The following YLPM1 variants were observed in gnomAD, a reference collection of about 807,000 sequenced individuals.
YLPM1 encodes YLP motif-containing protein 1.
YLPM1 carries 99 observed loss-of-function variants against 230.0 expected under a neutral mutation model. That is an observed-to-expected ratio of 0.43 (90% CI 0.37 to 0.51). YLPM1 has a LOEUF of 0.51. Ranked by LOEUF, YLPM1 falls within the 20% of genes least tolerant of loss-of-function variation. YLPM1 has a pLI of 0.00. For missense variants in YLPM1, 2,592 were observed against 2,707.7 expected (o/e 0.96, Z 0.95); for synonymous variants, 984 against 942.5 (o/e 1.04, Z -0.81).
In YLPM1 at chr14:74,764,103, C is replaced by G. The variant is rs745781415; in HGVS notation, c.614C>G (p.Pro205Arg). The change falls in exon 1 of 21, where the codon CCT (proline) becomes CGT (arginine). Residue 205 changes from proline to arginine, a missense_variant. Physicochemically the swap from Pro to Arg is moderately radical, Grantham distance 103. This residue lies in a region of YLPM1 where 1,862 missense variants were observed against 1,819.8 expected (regional missense o/e 1.02). Coordinates refer to ENST00000325680, the MANE Select transcript of YLPM1 (RefSeq NM_019589.3). Reference sequence around the variant, plus strand: ...TCCCAATCCTACCTGGCGCCCACCCCTTCTTACTCATCCTCCTCCTCTTCC... The same window carrying G: ...TCCCAATCCTACCTGGCGCCCACCCGTTCTTACTCATCCTCCTCCTCTTCC... ...PPSQSYLAPT[P>R]SYSSSSSSSQ... 4.3e-6 allele frequency: 7 copies of G among 1,613,434 alleles called. No homozygotes were observed. Among genetic ancestry groups the G allele is most frequent in the South Asian group, 1.1e-5 (1 of 91,058 alleles).
Position 74,797,934 on chromosome 14 carries a change from G to A in YLPM1, c.2637G>A (p.Met879Ile), listed in dbSNP as rs1432263222. 1 of 1,613,616 alleles carries A rather than the reference G, an allele frequency of 6.2e-7. No homozygotes were observed. The highest frequency in any genetic ancestry group is 1.7e-5 in the Admixed American group (1 of 59,998). ...GTAACCAGCAGAAGAATTTTAAAATGCAATCAGCTGCATTTTCCATTGCTG... is the reference window on the plus strand; with the variant it reads ...GTAACCAGCAGAAGAATTTTAAAATACAATCAGCTGCATTTTCCATTGCTG... ...TSSNQQKNFK[M>I]QSAAFSIAAD... is the part of the protein sequence containing the mutation. The change falls in exon 5 of 21, where the codon ATG (methionine) becomes ATA (isoleucine). Residue 879 changes from methionine to isoleucine, a missense_variant. By Grantham distance (10) the Met-to-Ile change is conservative. Coordinates refer to ENST00000325680, the MANE Select transcript of YLPM1 (RefSeq NM_019589.3).
At chr14:74,815,596 C>T (rs958344867) in intron 11 of YLPM1, among the ~76,000 whole-genome samples, 2 of 151,858 alleles carry the variant, frequency 1.3e-5, no homozygotes, top group Admixed American at 1.3e-4. Context: ...TTTTAAAGAA[C>T]CACTGCCACC....
chr14:74,783,458 T>C (rs745331918), intron 4 of YLPM1, among the ~76,000 whole-genome samples: 1 of 152,140 alleles, frequency 6.6e-6, no homozygotes, highest in African/African-American at 2.4e-5. Context: ...TATACAAAAT[T>C]CAAACATTAC....
In YLPM1 at chr14:74,812,779, G is replaced by A; in HGVS notation, c.5499G>A (p.Glu1833=). The A allele has an allele frequency of 1.2e-6, 2 of 1,613,248 alleles. No homozygotes were observed. Among genetic ancestry groups the A allele is most frequent in the Non-Finnish European group, 1.7e-6 (2 of 1,179,550 alleles). ...LKPPGRESRP[E]RIVVIMRGLP... ...CACCGGGCCGGGAGAGCAGACCTGA[G>A]AGAGTGAGTCCTATGAAGTTGATTC... The change falls in exon 11 of 21, where the codon GAG becomes GAA. Residue 1833 remains glutamate, a synonymous_variant. Coordinates refer to ENST00000325680, the MANE Select transcript of YLPM1 (RefSeq NM_019589.3).
In YLPM1 at chr14:74,809,615, A is replaced by G. The variant is rs1315636581; in HGVS notation, c.4757A>G (p.Asn1586Ser). Reference sequence around the variant, plus strand: ...TCTTTCTATGGGCTCTGGGATACAAATGATGAACAAGGACTGAATTCAGAA... The same window carrying G: ...TCTTTCTATGGGCTCTGGGATACAAGTGATGAACAAGGACTGAATTCAGAA... The part of the protein sequence containing the change: ...EDSFYGLWDT[N>S]DEQGLNSEFK... Residue 1586 changes from asparagine (N) to serine (S), a missense_variant, in exon 7 of 21, where the codon AAT becomes AGT. Asn to Ser is a conservative substitution (Grantham distance 46). Around this residue, in one of 4 missense-constraint regions of YLPM1, gnomAD observed 403 missense variants for 426.7 expected, o/e 0.94. Transcript: ENST00000325680. 1 of 1,613,922 alleles carries G rather than the reference A, an allele frequency of 6.2e-7. No individual in the cohort carries two copies. The highest frequency in any genetic ancestry group is 1.3e-5 in the African/African-American group (1 of 74,954).
At chr14:74,835,036 G>T in intron 19 of YLPM1, 1 of 475,790 alleles carries the variant, frequency 2.1e-6, no homozygotes, top group East Asian at 3.4e-5. Context: ...GGACAGGATT[G>T]AGCTGAACTG....
chr14:74,805,331 T>A (rs2091366800), intron 6 of YLPM1, among the ~76,000 whole-genome samples: 1 of 151,776 alleles, frequency 6.6e-6, no homozygotes, highest in Non-Finnish European at 1.5e-5. Context: ...AATAACTTCT[T>A]AGGAGTAAGT....
intron 6 of YLPM1, among the ~76,000 whole-genome samples, chr14:74,804,810 G>A (rs923730296): frequency 6.6e-6 from 1 of 152,078 alleles, no homozygotes; most frequent in Non-Finnish European, 1.5e-5. Context: ...GCGCCAGATT[G>A]TACATCCACA....
chr14:74,820,670 A>G (rs1033123125), intron 16 of YLPM1, among the ~76,000 whole-genome samples: 12 of 152,332 alleles, frequency 7.9e-5, no homozygotes, highest in African/African-American at 2.9e-4. Context: ...GGCCAAGCCA[A>G]TATCATCCCA....
rs967310191 is a variant in YLPM1, at chr14:74,836,133, G to A, written c.*395G>A. On this transcript the variant is annotated 3_prime_UTR_variant, in exon 21 of 21. Transcript: ENST00000325680. The stretch of plus-strand genomic sequence containing the variant: ...ATGTAACTGGTAGCTGATTGTACTA[G>A]GATTAAAAACAATAAACTTTCATGA... The A allele has an allele frequency of 9.5e-6, 2 of 211,252 alleles. No individual in the cohort carries two copies. Among genetic ancestry groups the A allele is most frequent in the African/African-American group, 4.7e-5 (2 of 42,172 alleles). The allele number at this position is 211,252 out of a possible 1,614,324, so 13.1% of individuals were successfully genotyped here.
At chr14:74,821,235 T>C (rs759400254) in intron 17 of YLPM1, 98 bp downstream of exon 17, 35 of 1,410,562 alleles carry the variant, frequency 2.5e-5, no homozygotes, top group South Asian at 8.6e-5. Context: ...ACTGTTGATA[T>C]ACACTTTAGT....
intron 17 of YLPM1, among the ~76,000 whole-genome samples, chr14:74,823,414 A>G (rs545598912): frequency 1.3e-5 from 2 of 152,266 alleles, no homozygotes; most frequent in East Asian, 3.9e-4. Flanking sequence ...CACATGGTAA[A>G]AGCATATACT....
chr14:74,794,133 T>A (rs1311842477), intron 4 of YLPM1, among the ~76,000 whole-genome samples: 1 of 152,236 alleles, frequency 6.6e-6, no homozygotes, highest in African/African-American at 2.4e-5. Flanking sequence ...GCAATGGGTT[T>A]GTAAAAGGTC....
In YLPM1 at chr14:74,810,390, T is replaced by C; in HGVS notation, c.5198T>C (p.Phe1733Ser). The part of the protein sequence containing the change: ...RGVIDYDRDR[F>S]DRERRPRDDR... ...GTTATTGACTATGACCGGGATCGAT[T>C]TGACAGAGAACGCCGACCCCGAGAT... The change falls in exon 9 of 21, where the codon TTT (phenylalanine) becomes TCT (serine). Residue 1733 changes from phenylalanine (F) to serine (S), a missense_variant. Around this residue, in one of 4 missense-constraint regions of YLPM1, gnomAD observed 403 missense variants for 426.7 expected, o/e 0.94. Transcript: ENST00000325680. 1.2e-6 allele frequency: 2 copies of C among 1,613,760 alleles called. No individual in the cohort carries two copies. The highest frequency in any genetic ancestry group is 1.7e-6 in the Non-Finnish European group (2 of 1,179,836).
At chr14:74,821,432 A>G (rs907300289) in intron 17 of YLPM1, 1 of 218,238 alleles carries the variant, frequency 4.6e-6, no homozygotes, top group African/African-American at 2.3e-5. Context: ...TCAATTACAT[A>G]TGAAAGGGCA....
At chr14:74,778,094 C>T (rs2091059672) in intron 1 of YLPM1, among the ~76,000 whole-genome samples, 1 of 152,160 alleles carries the variant, frequency 6.6e-6, no homozygotes, top group Non-Finnish European at 1.5e-5. Context: ...TAAATCGGAA[C>T]AAACTGAAGC....
intron 11 of YLPM1, among the ~76,000 whole-genome samples, chr14:74,814,647 C>G (rs1301057732): frequency 3.9e-5 from 6 of 152,136 alleles, no homozygotes; most frequent in Non-Finnish European, 8.8e-5. Flanking sequence ...CTGGATTCAG[C>G]TTGCTAATAT....
chr14:74,788,944 GATTTTA>G (rs150034668), intron 4 of YLPM1, among the ~76,000 whole-genome samples: 1 of 152,116 alleles, frequency 6.6e-6, no homozygotes, highest in African/African-American at 2.4e-5. Context: ...ATATAAAACT[GATTTTA>G]TATAGCGTGA....
intron 6 of YLPM1, among the ~76,000 whole-genome samples, chr14:74,808,804 C>CAA (rs34802468): frequency 4.1e-5 from 5 of 122,908 alleles, no homozygotes; most frequent in Non-Finnish European, 7.0e-5. Flanking sequence ...AACTCCGTCT[C>CAA]AAAAAAAAAA....
Sources: gnomAD v4.1 joint callset for allele counts (sites outside exome capture counted in the v4.1 genomes callset) on GRCh38, gnomAD v4.1.1 for gene constraint, gnomAD v4.1.1 regional missense constraint, MANE v1.5 for transcripts, NCBI Gene and HGNC (gene_info 2026-07-23, HGNC 2026-07-21) for gene names.